Variants in SSUH2 observed in about 807,000 individuals in gnomAD.
SSUH2 encodes the protein ssu-2 homolog.
A neutral mutation model predicts 55.3 loss-of-function variants in SSUH2; 47 were observed. The observed-to-expected ratio is 0.85, with a 90% CI of 0.67 to 1.08. The LOEUF (loss-of-function observed/expected upper bound fraction) is 1.08, where lower values mean the gene tolerates loss of function less well. Among genes scored for constraint, SSUH2 ranks in the 50% least tolerant of loss-of-function variants. The pLI is 0.00. For missense variants in SSUH2, 535 were observed against 490.7 expected (o/e 1.09, Z -0.85); for synonymous variants, 212 against 191.5 (o/e 1.11, Z -0.89).
chr3:8,637,439 C>T (rs1049230232), intron 1 of SSUH2, among the ~76,000 whole-genome samples: 1 of 152,170 alleles, frequency 6.6e-6, no homozygotes, highest in African/African-American at 2.4e-5. Flanking sequence ...AAACACCTTC[C>T]CACACATGTT....
chr3:8,658,981 A>G (rs1703214554), exon 7 of SSUH2: 1 of 152,392 alleles, frequency 6.6e-6, no homozygotes, highest in South Asian at 2.1e-4. Context: ...CCTTCACAGC[A>G]GCCCTAAGAG....
chr3:8,680,461 G>C (rs1266482684), intron 1 of SSUH2, among the ~76,000 whole-genome samples: 5 of 152,040 alleles, frequency 3.3e-5, no homozygotes, highest in African/African-American at 7.2e-5. Flanking sequence ...ACACCTGTCT[G>C]TACTGGGAGT....
At chr3:8,674,148 G>A (rs1313354272) in intron 3 of SSUH2, among the ~76,000 whole-genome samples, 3 of 152,044 alleles carry the variant, frequency 2.0e-5, no homozygotes, top group Non-Finnish European at 4.4e-5. Flanking sequence ...GAGAATGAAC[G>A]TCAGGCCTGG....
At chr3:8,622,936 G>T (rs1229550183) in intron 11 of SSUH2, among the ~76,000 whole-genome samples, 1 of 152,198 alleles carries the variant, frequency 6.6e-6, no homozygotes, top group African/African-American at 2.4e-5. Context: ...AGCCCAGTCT[G>T]CAAGGTTCCT....
At chr3:8,641,493 G>A (rs1043272917) in intron 1 of SSUH2, among the ~76,000 whole-genome samples, 2 of 152,212 alleles carry the variant, frequency 1.3e-5, no homozygotes, top group African/African-American at 4.8e-5. Context: ...ACTGATTCAG[G>A]AGAGCCTGGG....
At chr3:8,664,629 A>G (rs1274298734) in intron 5 of SSUH2, among the ~76,000 whole-genome samples, 1 of 152,210 alleles carries the variant, frequency 6.6e-6, no homozygotes, top group Non-Finnish European at 1.5e-5. Flanking sequence ...AGCTATGTAC[A>G]CAGTGAAGAT....
intron 6 of SSUH2, among the ~76,000 whole-genome samples, chr3:8,662,505 A>G (rs748536644): frequency 5.9e-5 from 9 of 152,200 alleles, no homozygotes; most frequent in Non-Finnish European, 1.0e-4. Context: ...GAGAAAATGA[A>G]CTGAGTTTTT....
intron 4 of SSUH2, among the ~76,000 whole-genome samples, chr3:8,632,665 A>T (rs1177409978): frequency 6.6e-6 from 1 of 152,216 alleles, no homozygotes; most frequent in Non-Finnish European, 1.5e-5. Context: ...CACTGCCTGC[A>T]AGTGATTATG....
Position 8,619,593 on chromosome 3 carries a change from G to A in SSUH2, c.*275C>T. ...TCGGGGCATTAACTTGGAGACCAGA[G>A]GCAAAGTCCTTGCCATTTAAATTAT... is the stretch of plus-strand genomic sequence containing the variant. On this transcript the variant is annotated 3_prime_UTR_variant, in exon 12 of 12. Coordinates refer to ENST00000544814, the MANE Select transcript of SSUH2 (RefSeq NM_001256748.3). 1 of 328,062 alleles carries A rather than the reference G, an allele frequency of 3.0e-6. No individual in the cohort carries two copies. Among genetic ancestry groups the A allele is most frequent in the Non-Finnish European group, 5.5e-6 (1 of 182,142 alleles). The allele number at this position is 328,062 out of a possible 1,614,324, so 20.3% of individuals were successfully genotyped here.
At chr3:8,678,571 G>T (rs116343290) in intron 2 of SSUH2, among the ~76,000 whole-genome samples, 1,830 of 113,928 alleles carry the variant, frequency 0.016, 286 homozygotes, top group African/African-American at 0.053. Flanking sequence ...AATCACAGAG[G>T]GGGGAACACC....
At chr3:8,643,409 A>G (rs1279923021) in intron 1 of SSUH2, among the ~76,000 whole-genome samples, 1 of 152,220 alleles carries the variant, frequency 6.6e-6, no homozygotes, top group Non-Finnish European at 1.5e-5. Flanking sequence ...AGTGTTTTGA[A>G]GAAAAAAGAT....
At chr3:8,632,244 T>C (rs1350440257) in intron 4 of SSUH2, 135 bp from the exon 5 acceptor site, 9 of 672,084 alleles carry the variant, frequency 1.3e-5, no homozygotes, top group African/African-American at 1.3e-4. Flanking sequence ...CCTCGGCTGC[T>C]GGAACTGGCT....
intron 3 of SSUH2, chr3:8,634,118 CA>C (rs1699460875): frequency 1.4e-6 from 1 of 717,156 alleles, no homozygotes; most frequent in Admixed American, 2.9e-5. Context: ...ATAAGAAAAA[CA>C]GAGGTCCAGA....
In SSUH2 at chr3:8,672,036, C is replaced by T. The variant is rs1158725212; in HGVS notation, c.-752-1G>A. ...TTGCAGTAATAGCATCCTCTTGCCC[C>T]TGGATATTAAGAACAATATCACGGG... On this transcript the variant is annotated splice_acceptor_variant, in intron 3 of 18. Transcript: ENST00000317371. LOFTEE classifies it low-confidence loss of function (5UTR_SPLICE). 2 of 152,114 alleles carry T rather than the reference C, an allele frequency of 1.3e-5. No homozygotes were observed. Among genetic ancestry groups the T allele is most frequent in the Non-Finnish European group, 2.9e-5 (2 of 68,018 alleles). 9.4% of individuals were successfully genotyped at this position (152,114 alleles called of 1,614,324 possible).
intron 2 of SSUH2, chr3:8,679,624 G>A (rs973749364): frequency 1.7e-5 from 3 of 179,934 alleles, no homozygotes; most frequent in South Asian, 2.0e-4. Flanking sequence ...CACCCCCGGT[G>A]AGGCGGGGAA....
chr3:8,676,230 G>A (rs1434857418), intron 3 of SSUH2, among the ~76,000 whole-genome samples: 19 of 152,044 alleles, frequency 1.2e-4, no homozygotes, highest in East Asian at 3.9e-4. Flanking sequence ...TACAGAGGGT[G>A]TACACCCGTC....
At chr3:8,623,014 G>C (rs983525268) in intron 11 of SSUH2, among the ~76,000 whole-genome samples, 7 of 152,172 alleles carry the variant, frequency 4.6e-5, no homozygotes, top group Non-Finnish European at 7.3e-5. Flanking sequence ...TCCCACGTTA[G>C]GGTCCCCTGG....
rs1415719058 is a variant in SSUH2 at position 8,625,525 on chromosome 3, C to G, written c.873+17G>C. Reference sequence around the variant, plus strand: ...GGAACCCAGCTTCCTTTGTTCCCATCTACAATGCCCTCTTACCACCGAGTT... The same window carrying G: ...GGAACCCAGCTTCCTTTGTTCCCATGTACAATGCCCTCTTACCACCGAGTT... On this transcript the variant is annotated intron_variant, in intron 10 of 11. Transcript: ENST00000544814. 6.4e-7 allele frequency: 1 copy of G among 1,553,728 alleles called. No individual in the cohort carries two copies. The highest frequency in any genetic ancestry group is 8.9e-7 in the Non-Finnish European group (1 of 1,125,892).
upstream of SSUH2, among the ~76,000 whole-genome samples, chr3:8,645,093 T>TGA (rs1345494551): frequency 6.6e-6 from 1 of 152,214 alleles, no homozygotes; most frequent in Non-Finnish European, 1.5e-5. Flanking sequence ...CTCATCAGTC[T>TGA]GACTCTCTAG....
Sources: gnomAD v4.1 joint callset for allele counts (sites outside exome capture counted in the v4.1 genomes callset) on GRCh38, gnomAD v4.1.1 for gene constraint, MANE v1.5 for transcripts, NCBI Gene and HGNC (gene_info 2026-07-23, HGNC 2026-07-21) for gene names.